Variants in LINGO2 observed in about 807,000 individuals in gnomAD.
LINGO2 encodes leucine rich repeat and Ig domain containing 2, also known as leucine-rich repeat and immunoglobulin-like domain-containing nogo receptor-interacting protein 2.
In LINGO2, 14 loss-of-function variants were observed where a neutral mutation model predicts 30.6. The observed-to-expected ratio is 0.46, with a 90% CI of 0.30 to 0.72. The LOEUF is 0.72. LINGO2 is among the 30% of genes least tolerant of loss of function. The pLI, the probability that LINGO2 is intolerant of heterozygous loss-of-function variation, is 0.07. For missense variants in LINGO2, 729 were observed against 751.7 expected (o/e 0.97, Z 0.35); for synonymous variants, 317 against 288.5 (o/e 1.10, Z -1.00).
the LINGO2 span, among the ~76,000 whole-genome samples, chr9:29,124,763 A>G: frequency 6.6e-6 from 1 of 152,172 alleles, no homozygotes; most frequent in Admixed American, 6.6e-5. Context: ...AGGAAACAAA[A>G]GATGCTGGAA....
At chr9:28,976,697 T>C in the LINGO2 span, among the ~76,000 whole-genome samples, 2 of 151,970 alleles carry the variant, frequency 1.3e-5, no homozygotes, top group Admixed American at 6.6e-5. Context: ...TGTTAACTCA[T>C]AAAAATGCTG....
the LINGO2 span, among the ~76,000 whole-genome samples, chr9:29,183,753 T>G: frequency 9.2e-5 from 14 of 151,812 alleles, no homozygotes; most frequent in African/African-American, 3.4e-4. Flanking sequence ...AAGTCCCTCA[T>G]AACAACAGAG....
chr9:27,940,270 G>A, the LINGO2 span: 7 of 152,124 alleles, frequency 4.6e-5, no homozygotes, highest in East Asian at 3.9e-4. Flanking sequence ...CAATGACAGC[G>A]TTATAGAATA....
intron 2 of LINGO2, among the ~76,000 whole-genome samples, chr9:28,380,827 G>C (rs1487814638): frequency 6.6e-6 from 1 of 152,158 alleles, no homozygotes; most frequent in Non-Finnish European, 1.5e-5. Flanking sequence ...GGAACACTAA[G>C]AATTGGATGG....
intron 5 of LINGO2, among the ~76,000 whole-genome samples, chr9:27,978,424 C>T (rs949128589): frequency 1.3e-5 from 2 of 151,924 alleles, no homozygotes; most frequent in African/African-American, 4.8e-5. Flanking sequence ...GAGATAGAAC[C>T]TTCGAGAAGT....
At chr9:28,453,070 TACTGGAATAAGA>T (rs1824711081) in intron 2 of LINGO2, among the ~76,000 whole-genome samples, 3 of 151,952 alleles carry the variant, frequency 2.0e-5, no homozygotes, top group Admixed American at 1.3e-4. Flanking sequence ...AGTAGAATGA[TACTGGAATAAGA>T]ACTGAAATGG....
the LINGO2 span, among the ~76,000 whole-genome samples, chr9:28,794,892 G>A: frequency 6.7e-6 from 1 of 149,754 alleles, no homozygotes; most frequent in Non-Finnish European, 1.5e-5. Flanking sequence ...GTGCAGTGAT[G>A]AGATCTCAGC....
At chr9:28,037,818 A>AC (rs1480696059) in intron 4 of LINGO2, among the ~76,000 whole-genome samples, 1 of 152,168 alleles carries the variant, frequency 6.6e-6, no homozygotes, top group African/African-American at 2.4e-5. Context: ...GTAAGACACA[A>AC]CCTCTTAAAA....
the LINGO2 span, among the ~76,000 whole-genome samples, chr9:29,095,614 T>C: frequency 2.8e-4 from 39 of 138,686 alleles, 7 homozygotes; most frequent in South Asian, 8.9e-3. Flanking sequence ...TATTCTTCTA[T>C]CTTAAATCCC....
chr9:28,346,108 T>C (rs527325211), intron 3 of LINGO2, among the ~76,000 whole-genome samples: 7 of 152,264 alleles, frequency 4.6e-5, no homozygotes, highest in African/African-American at 1.7e-4. Context: ...GCAGGTTTGT[T>C]ATATAAACTT....
chr9:28,557,835 T>C (rs1352294283), intron 1 of LINGO2, among the ~76,000 whole-genome samples: 3 of 151,976 alleles, frequency 2.0e-5, no homozygotes, highest in Middle Eastern at 3.4e-3. Context: ...AATGAGTTCA[T>C]GTCCTTTGTA....
At chr9:28,320,447 A>G (rs10738793) in intron 3 of LINGO2, among the ~76,000 whole-genome samples, 142,642 of 152,204 alleles carry the variant, frequency 0.94, 67,487 homozygotes, top group South Asian at 1. Flanking sequence ...ATAATTGGTG[A>G]CAATTTCAGT....
the LINGO2 span, among the ~76,000 whole-genome samples, chr9:29,137,198 C>T: frequency 6.6e-6 from 1 of 152,110 alleles, no homozygotes; most frequent in Non-Finnish European, 1.5e-5. Context: ...GACTTCCGGA[C>T]AGTATACCAC....
intron 1 of LINGO2, among the ~76,000 whole-genome samples, chr9:28,565,501 AT>A (rs397893182): frequency 2.3e-3 from 315 of 138,906 alleles, no homozygotes; most frequent in Admixed American, 2.9e-3. Context: ...AATTATTTTT[AT>A]TTTTTTTTTT....
chr9:28,395,484 T>A (rs1587607759), intron 2 of LINGO2, among the ~76,000 whole-genome samples: 1 of 152,078 alleles, frequency 6.6e-6, no homozygotes. Flanking sequence ...CCATTTCAAC[T>A]ATGATATTGA....
At chr9:28,046,718 A>T (rs1446005663) in intron 4 of LINGO2, among the ~76,000 whole-genome samples, 1 of 151,978 alleles carries the variant, frequency 6.6e-6, no homozygotes, top group Admixed American at 6.6e-5. Flanking sequence ...CCTCTCAACC[A>T]TTTATTCCAC....
At chr9:28,625,770 A>G (rs1299375985) in intron 1 of LINGO2, among the ~76,000 whole-genome samples, 2 of 152,084 alleles carry the variant, frequency 1.3e-5, no homozygotes, top group Non-Finnish European at 2.9e-5. Context: ...ATAAAGAAAG[A>G]TATTAATGTA....
chr9:28,214,959 T>C (rs1328688375), intron 4 of LINGO2, among the ~76,000 whole-genome samples: 1 of 151,774 alleles, frequency 6.6e-6, no homozygotes, highest in Non-Finnish European at 1.5e-5. Context: ...AGGGATTAAA[T>C]GACATGTTCT....
intron 1 of LINGO2, among the ~76,000 whole-genome samples, chr9:28,517,579 G>A (rs980865072): frequency 6.6e-6 from 1 of 152,140 alleles, no homozygotes; most frequent in Non-Finnish European, 1.5e-5. Context: ...CTGGTAAATT[G>A]CATTTTAATT....
Sources: gnomAD v4.1 joint callset for allele counts (sites outside exome capture counted in the v4.1 genomes callset) on GRCh38, gnomAD v4.1.1 for gene constraint, MANE v1.5 for transcripts, NCBI Gene and HGNC (gene_info 2026-07-23, HGNC 2026-07-21) for gene names.